STAG2: variants seen among roughly 807,000 people sequenced by gnomAD.
STAG2 encodes cohesin subunit SA-2.
In STAG2, 14 loss-of-function variants were observed where a neutral mutation model predicts 108.1. The ratio of observed to expected loss-of-function variants is 0.13; its 90% CI spans 0.09 to 0.20. STAG2 has a LOEUF of 0.20. Among genes scored for constraint, STAG2 ranks in the 10% least tolerant of loss-of-function variants. The probability of loss-of-function intolerance (pLI) is 1.00; values close to 1 mark genes in which losing one functional copy is unlikely to be tolerated. For synonymous variants in STAG2, 307 were observed against 302.7 expected (o/e 1.01, Z -0.15); for missense variants, 440 against 940.9 (o/e 0.47, Z 6.96).
intron 1 of STAG2, among the ~76,000 whole-genome samples, chrX:124,007,323 T>G (rs2056340150): frequency 1.8e-5 from 2 of 111,466 alleles, no homozygotes. Context: ...TGCTTTAAAT[T>G]TTCTTCTTTT....
chrX:124,064,024 C>T lies in STAG2; in HGVS notation c.1998C>T (p.Asn666=), dbSNP rs1202959317. 1 of 1,207,078 alleles carries T rather than the reference C, an allele frequency of 8.3e-7. No individual in the cohort carries two copies. Among genetic ancestry groups the T allele is most frequent in the East Asian group, 3.0e-5 (1 of 33,729 alleles). ...TAGATGAATTGGCAGATAAATTTAA[C>T]CGGCTTCTTGAAGATTTTCTGCAAG... ...QLIDELADKF[N]RLLEDFLQEG... The change falls in exon 20 of 35, where the codon AAC becomes AAT. Residue 666 remains asparagine, a synonymous_variant. Transcript: ENST00000371145.
At chrX:124,052,690 A>G (rs1267893312) in intron 13 of STAG2, among the ~76,000 whole-genome samples, 1 of 111,565 alleles carries the variant, frequency 9.0e-6, no homozygotes, top group Non-Finnish European at 1.9e-5. Context: ...ATGTATACCC[A>G]GAAGTGGAAT....
chrX:124,076,595 AT>A, intron 26 of STAG2, 124 bp downstream of exon 26: 1 of 694,029 alleles, frequency 1.4e-6, no homozygotes, highest in Non-Finnish European at 2.0e-6. Context: ...ATTTTAAAAT[AT>A]TTAGTGTTTT....
chrX:124,035,335 T>G, intron 5 of STAG2, among the ~76,000 whole-genome samples: 2 of 112,079 alleles, frequency 1.8e-5, no homozygotes, highest in Admixed American at 1.9e-4. Flanking sequence ...ATAGCAGACT[T>G]ATTTTCCTAG....
intron 1 of STAG2, among the ~76,000 whole-genome samples, chrX:124,012,954 T>C (rs868496961): frequency 4.5e-5 from 5 of 111,431 alleles, no homozygotes; most frequent in South Asian, 7.5e-4. Flanking sequence ...GAAATGAAAA[T>C]TTAGATTTCC....
intron 17 of STAG2, among the ~76,000 whole-genome samples, chrX:124,062,204 A>G (rs1312668434): frequency 8.9e-6 from 1 of 111,851 alleles, no homozygotes; most frequent in African/African-American, 3.2e-5. Flanking sequence ...AGAAATAAAA[A>G]TGGAGATAAT....
intron 6 of STAG2, 85 bp downstream of exon 6, chrX:124,037,708 T>A (rs2057561719): frequency 6.1e-6 from 3 of 491,776 alleles, no homozygotes; most frequent in Non-Finnish European, 9.5e-6. Flanking sequence ...GCACTTTACA[T>A]GGTAAATAAC....
chrX:124,024,394 T>C (rs371093477), intron 3 of STAG2, among the ~76,000 whole-genome samples: 4 of 110,526 alleles, frequency 3.6e-5, no homozygotes, highest in African/African-American at 1.3e-4. Flanking sequence ...TGCAAGACCA[T>C]ATAGACATGT....
At chrX:124,081,142 AG>A (rs1207581598) in intron 27 of STAG2, among the ~76,000 whole-genome samples, 1 of 111,313 alleles carries the variant, frequency 9.0e-6, no homozygotes, top group Non-Finnish European at 1.9e-5. Flanking sequence ...AATTAATACC[AG>A]CAGGATAGCA....
chrX:124,078,131 A>C (rs767574924), intron 27 of STAG2, 73 bp downstream of exon 27: 6 of 732,578 alleles, frequency 8.2e-6, no homozygotes, highest in Non-Finnish European at 1.2e-5. Flanking sequence ...GTAGCAGTTG[A>C]AATTGGGCAA....
At chrX:123,987,269 C>T (rs772971209) in intron 1 of STAG2, among the ~76,000 whole-genome samples, 1 of 108,939 alleles carries the variant, frequency 9.2e-6, no homozygotes, top group African/African-American at 3.4e-5. Context: ...GGATTACAGG[C>T]GTGAGCCACC....
intron 32 of STAG2, among the ~76,000 whole-genome samples, chrX:124,093,604 A>G (rs1289150968): frequency 4.5e-5 from 5 of 109,948 alleles, no homozygotes; most frequent in African/African-American, 6.6e-5. Context: ...GATGATGGGT[A>G]AAATTAGCAT....
At chrX:124,076,178 C>T (rs1376451211) in intron 25 of STAG2, among the ~76,000 whole-genome samples, 154 bp from the exon 26 acceptor site, 1 of 111,727 alleles carries the variant, frequency 9.0e-6, no homozygotes, top group African/African-American at 3.3e-5. Flanking sequence ...AAAATTTAGT[C>T]TATTGGAATA....
At chrX:124,046,191 A>G (rs1023705884) in intron 8 of STAG2, among the ~76,000 whole-genome samples, 13 of 112,078 alleles carry the variant, frequency 1.2e-4, no homozygotes, top group South Asian at 7.3e-4. Flanking sequence ...TTAACTAAAA[A>G]AACTTTATAT....
rs17330707 is a variant in STAG2 at position 124,092,415 on chromosome X, G to T, written c.3578+1451G>T. ...CTGATTTCTTGGCTTCCAAGTAGTC[G>T]CCGGTCCATATATTCCAGAATTCTG... On this transcript the variant is annotated intron_variant, in intron 32 of 34. Coordinates refer to ENST00000371145, the MANE Select transcript of STAG2 (RefSeq NM_001042750.2). 4.5e-5 allele frequency among the ~76,000 whole-genome samples: 5 copies of T among 110,634 alleles called. No individual in the cohort carries two copies. The South Asian group carries it at 1.5e-3, about 34-fold the overall frequency.
At chrX:124,036,855 A>G (rs2057533783) in intron 5 of STAG2, among the ~76,000 whole-genome samples, 1 of 111,286 alleles carries the variant, frequency 9.0e-6, no homozygotes, top group Non-Finnish European at 1.9e-5. Context: ...AGCCACCATT[A>G]CAATATAATT....
intron 1 of STAG2, among the ~76,000 whole-genome samples, chrX:124,000,197 G>A (rs1475471633): frequency 9.0e-6 from 1 of 111,178 alleles, no homozygotes; most frequent in Non-Finnish European, 1.9e-5. Flanking sequence ...CCTTTATAAC[G>A]TCTTAGTGCA....
chrX:124,087,343 T>G (rs2059131922), intron 30 of STAG2, among the ~76,000 whole-genome samples: 1 of 112,006 alleles, frequency 8.9e-6, no homozygotes, highest in South Asian at 3.7e-4. Context: ...CTTTTTTCTT[T>G]TTCTTAGGAA....
At chrX:124,045,098 C>G in intron 7 of STAG2, 66 bp from the exon 8 acceptor site, 1 of 981,990 alleles carries the variant, frequency 1.0e-6, no homozygotes, top group Non-Finnish European at 1.4e-6. Context: ...TAGGGTATTT[C>G]AAAAGCAAGT....
Sources: allele counts gnomAD v4.1 joint callset (sites outside exome capture counted in the v4.1 genomes callset), GRCh38; gene constraint gnomAD v4.1.1; transcripts MANE v1.5; gene names NCBI Gene and HGNC (gene_info 2026-07-23, HGNC 2026-07-21).